The following ATRX variants were observed in gnomAD, a reference collection of about 807,000 sequenced individuals.
ATRX encodes the protein chromatin remodeler ATRX.
Under a neutral mutation model 172.6 loss-of-function variants are expected in ATRX, and 12 were observed. The ratio of observed to expected loss-of-function variants is 0.07; its 90% confidence interval spans 0.04 to 0.11. The LOEUF (loss-of-function observed/expected upper bound fraction) is 0.11, where lower values mean the gene tolerates loss of function less well. Ranked by LOEUF, ATRX falls within the 10% of genes least tolerant of loss-of-function variation. ATRX has a pLI of 1.00. For missense variants in ATRX, 1,368 were observed against 1,767.4 expected, an observed-to-expected ratio of 0.77 and a Z score of 4.05; for synonymous variants, 674 against 594.7, an observed-to-expected ratio of 1.13 and a Z score of -1.94.
intron 1 of ATRX, among the ~76,000 whole-genome samples, chrX:77,720,441 A>C (rs1557168214): frequency 2.7e-5 from 3 of 111,702 alleles, no homozygotes. Context: ...GGACTAATAA[A>C]GAACAAAAGA....
At chrX:77,638,830 C>T (rs1399071023) in intron 15 of ATRX, among the ~76,000 whole-genome samples, 2 of 112,275 alleles carry the variant, frequency 1.8e-5, no homozygotes, top group Non-Finnish European at 3.8e-5. Context: ...TTTCATCAAG[C>T]TACCTAAACC....
chrX:77,765,038 G>C (rs782686334), intron 1 of ATRX, among the ~76,000 whole-genome samples: 5 of 110,674 alleles, frequency 4.5e-5, no homozygotes, highest in African/African-American at 1.6e-4. Flanking sequence ...GTGGTGGTGG[G>C]TGCCTGTAAT....
At chrX:77,618,357 G>A (rs1268834070) in intron 21 of ATRX, among the ~76,000 whole-genome samples, 2 of 111,775 alleles carry the variant, frequency 1.8e-5, no homozygotes, top group Non-Finnish European at 3.8e-5. Context: ...ATACTTGAAA[G>A]TAACAAAACT....
intron 1 of ATRX, among the ~76,000 whole-genome samples, chrX:77,742,175 A>G (rs1030812908): frequency 8.0e-5 from 9 of 112,157 alleles, no homozygotes; most frequent in Non-Finnish European, 1.5e-4. Flanking sequence ...TAAGAAGAAA[A>G]GGCAGTAAGT....
intron 34 of ATRX, among the ~76,000 whole-genome samples, chrX:77,511,119 A>G (rs921326896): frequency 8.9e-6 from 1 of 112,155 alleles, no homozygotes; most frequent in Non-Finnish European, 1.9e-5. Context: ...GTTTGGGAGA[A>G]AGTAAGGGAA....
intron 34 of ATRX, among the ~76,000 whole-genome samples, chrX:77,517,030 G>T (rs782125992): frequency 9.2e-6 from 1 of 109,037 alleles, no homozygotes; most frequent in Non-Finnish European, 1.9e-5. Flanking sequence ...TTCTTAAAAC[G>T]AATGATAAAG....
intron 1 of ATRX, among the ~76,000 whole-genome samples, chrX:77,755,130 T>C (rs2075441521): frequency 8.9e-6 from 1 of 112,919 alleles, no homozygotes; most frequent in Non-Finnish European, 1.9e-5. Context: ...GCGATTTGAC[T>C]ATTGATACAT....
rs781835568 is a variant in ATRX at position 77,656,564 on chromosome X, T to C, written c.4210A>G (p.Thr1404Ala). ...TTTAAAAACCAATTATAATACCTTGTTCTGGGCCGCTGTTCATCTTCGGAT... is the reference window on the plus strand; with the variant it reads ...TTTAAAAACCAATTATAATACCTTGCTCTGGGCCGCTGTTCATCTTCGGAT... The part of the protein sequence containing the change: ...SESEDEQRPR[T>A]RSAKKAELEE... Residue 1404 changes from threonine to alanine, a missense_variant, in exon 13 of 35, where the codon ACA becomes GCA. Thr to Ala is a moderately conservative substitution (Grantham distance 58). Transcript: ENST00000373344. 7.5e-6 allele frequency: 9 copies of C among 1,205,056 alleles called. No individual in the cohort carries two copies. The highest frequency in any genetic ancestry group is 1.7e-5 in the African/African-American group (1 of 57,241).
At chrX:77,603,532 A>ATTT (rs35174330) in intron 22 of ATRX, among the ~76,000 whole-genome samples, 3 of 94,725 alleles carry the variant, frequency 3.2e-5, no homozygotes, top group African/African-American at 3.8e-5. Context: ...TGCTCGGCTA[A>ATTT]TTTTTTTTTT....
At chrX:77,687,138 G>A (rs2071616380) in intron 7 of ATRX, among the ~76,000 whole-genome samples, 1 of 71,842 alleles carries the variant, frequency 1.4e-5, no homozygotes, top group Non-Finnish European at 2.4e-5. Flanking sequence ...GGGCGACAGA[G>A]CAAGACTCCG....
intron 34 of ATRX, among the ~76,000 whole-genome samples, chrX:77,510,865 A>T (rs2062845708): frequency 8.9e-6 from 1 of 112,532 alleles, no homozygotes; most frequent in Non-Finnish European, 1.9e-5. Flanking sequence ...GCTGGGGGAA[A>T]TCTGCAGCCC....
intron 1 of ATRX, among the ~76,000 whole-genome samples, chrX:77,724,615 C>A (rs976560649): frequency 9.0e-6 from 1 of 111,098 alleles, no homozygotes; most frequent in African/African-American, 3.3e-5. Context: ...GTGAAAAATG[C>A]AAAATGATCA....
chrX:77,671,419 C>A (rs1380527829), intron 10 of ATRX, among the ~76,000 whole-genome samples: 1 of 106,740 alleles, frequency 9.4e-6, no homozygotes, highest in Non-Finnish European at 1.9e-5. Flanking sequence ...GGAGGTAGAA[C>A]AATAAAAACT....
intron 28 of ATRX, among the ~76,000 whole-genome samples, chrX:77,561,362 C>T (rs1557061890): frequency 9.0e-6 from 1 of 110,748 alleles, no homozygotes; most frequent in Non-Finnish European, 1.9e-5. Context: ...CCTTAAAGAA[C>T]TTCAATACGC....
At position 77,506,908 on chromosome X, in the gene ATRX, T is replaced by C. The variant is rs1191687757; in HGVS notation, c.*1443A>G. The C allele has an allele frequency of 3.2e-5, 5 of 155,326 alleles. No individual in the cohort carries two copies. Among genetic ancestry groups the C allele is most frequent in the African/African-American group, 1.7e-4 (5 of 29,734 alleles). 12.8% of individuals were successfully genotyped at this position (155,326 alleles called of 1,213,427 possible). On this transcript the variant is annotated 3_prime_UTR_variant, in exon 35 of 35. Transcript: ENST00000373344. ...CCAAACCCAGTTTTCTTTTTTTTTT[T>C]TTTTTTTTTTTTTTTGGAATTCTTA...
chrX:77,698,781 T>C, intron 2 of ATRX, 152 bp from the exon 3 acceptor site: 1 of 483,762 alleles, frequency 2.1e-6, no homozygotes. Context: ...CCTAGAAGTG[T>C]TCTTTCACTA....
intron 26 of ATRX, among the ~76,000 whole-genome samples, chrX:77,593,370 G>A (rs868935090): frequency 2.7e-5 from 3 of 111,419 alleles, no homozygotes; most frequent in Non-Finnish European, 5.7e-5. Flanking sequence ...AAAGCAACAC[G>A]GTAGAAGTCA....
chrX:77,550,534 T>C (rs1382198475), intron 30 of ATRX, among the ~76,000 whole-genome samples: 15 of 111,270 alleles, frequency 1.3e-4, no homozygotes, highest in Non-Finnish European at 1.9e-4. Context: ...AAACTGGAAG[T>C]ATTCCCTTTG....
At chrX:77,666,317 T>C (rs1234406824) in intron 10 of ATRX, among the ~76,000 whole-genome samples, 1 of 112,141 alleles carries the variant, frequency 8.9e-6, no homozygotes, top group Non-Finnish European at 1.9e-5. Context: ...AGTTTTGCTC[T>C]TACATTTCTA....
Sources: gnomAD v4.1 joint callset for allele counts (sites outside exome capture counted in the v4.1 genomes callset) on GRCh38, gnomAD v4.1.1 for gene constraint, MANE v1.5 for transcripts, NCBI Gene and HGNC (gene_info 2026-07-23, HGNC 2026-07-21) for gene names.